The following REPS2 variants were observed in gnomAD, a reference collection of about 807,000 sequenced individuals.
The protein encoded by REPS2 is ralBP1-associated Eps domain-containing protein 2.
REPS2 carries 23 observed loss-of-function variants against 53.6 expected under a neutral mutation model. The observed-to-expected ratio is 0.43, with a 90% CI of 0.31 to 0.61. The LOEUF (loss-of-function observed/expected upper bound fraction) is 0.61. REPS2 is among the 20% of genes least tolerant of loss of function. The pLI, the probability that REPS2 is intolerant of heterozygous loss-of-function variation, is 0.11. For synonymous variants in REPS2, 238 were observed against 218.6 expected (o/e 1.09, Z -0.78); for missense variants, 446 against 534.9 (o/e 0.83, Z 1.64).
chrX:17,049,623 G>T (rs149038297), intron 6 of REPS2, among the ~76,000 whole-genome samples: 2,078 of 111,190 alleles, frequency 0.019, 46 homozygotes, highest in African/African-American at 0.065. Context: ...GGGTACATAG[G>T]TGTATATATT....
At chrX:17,158,638 A>G in the REPS2 span, among the ~76,000 whole-genome samples, 1 of 112,284 alleles carries the variant, frequency 8.9e-6, no homozygotes, top group African/African-American at 3.2e-5. Context: ...AGAATTCAGG[A>G]CTAAGAGAGT....
At chrX:17,195,757 C>G in the REPS2 span, among the ~76,000 whole-genome samples, 31 of 112,326 alleles carry the variant, frequency 2.8e-4, no homozygotes, top group African/African-American at 9.7e-4. Context: ...AAGTGTTTTA[C>G]CTGGTATGTT....
At chrX:17,045,815 T>G (rs2061897304) in intron 5 of REPS2, among the ~76,000 whole-genome samples, 1 of 110,683 alleles carries the variant, frequency 9.0e-6, no homozygotes, top group Admixed American at 9.7e-5. Flanking sequence ...GTGTGAGATA[T>G]CAAAGTAATA....
At chrX:17,176,007 G>A in the REPS2 span, among the ~76,000 whole-genome samples, 1 of 112,354 alleles carries the variant, frequency 8.9e-6, no homozygotes, top group Non-Finnish European at 1.9e-5. Context: ...AAGGCAGGAT[G>A]GGGAATACAT....
intron 13 of REPS2, among the ~76,000 whole-genome samples, chrX:17,082,956 G>A (rs1314134792): frequency 9.0e-6 from 1 of 110,984 alleles, no homozygotes; most frequent in African/African-American, 3.3e-5. Context: ...TACCAGAGAT[G>A]TCTTTCCTGC....
chrX:17,165,041 C>A, the REPS2 span, among the ~76,000 whole-genome samples: 3 of 102,461 alleles, frequency 2.9e-5, no homozygotes, highest in South Asian at 1.2e-3. Context: ...CCACCACCAC[C>A]ACCACCACCA....
chrX:17,029,226 C>A (rs1292153074), intron 4 of REPS2, among the ~76,000 whole-genome samples: 2 of 111,973 alleles, frequency 1.8e-5, no homozygotes, highest in African/African-American at 6.5e-5. Context: ...TGACACTTTT[C>A]TAGCTATTGT....
At chrX:17,038,623 T>C (rs948882330) in intron 5 of REPS2, among the ~76,000 whole-genome samples, 1 of 112,596 alleles carries the variant, frequency 8.9e-6, no homozygotes, top group Admixed American at 9.4e-5. Flanking sequence ...CTAAGTCCTA[T>C]TTGGAATTCT....
At chrX:16,965,324 C>T (rs1427698168) in intron 1 of REPS2, among the ~76,000 whole-genome samples, 1 of 112,836 alleles carries the variant, frequency 8.9e-6, no homozygotes, top group African/African-American at 3.2e-5. Context: ...GCTGACCCCC[C>T]CACCTCCCTC....
At chrX:17,035,471 C>T (rs1355172305) in intron 5 of REPS2, among the ~76,000 whole-genome samples, 2 of 110,352 alleles carry the variant, frequency 1.8e-5, no homozygotes, top group Non-Finnish European at 3.8e-5. Flanking sequence ...GTCTTGGCTA[C>T]TCTGGTTGTC....
intron 6 of REPS2, among the ~76,000 whole-genome samples, chrX:17,049,742 T>C (rs1358205188): frequency 1.8e-5 from 2 of 111,465 alleles, no homozygotes; most frequent in Non-Finnish European, 3.8e-5. Flanking sequence ...TTGAAAACAA[T>C]TTGACTACAC....
intron 6 of REPS2, among the ~76,000 whole-genome samples, chrX:17,047,779 C>T (rs1366461413): frequency 8.9e-6 from 1 of 112,912 alleles, no homozygotes; most frequent in Non-Finnish European, 1.9e-5. Context: ...AAGGGGCCAC[C>T]TCTCATTGCT....
At chrX:17,029,138 G>A (rs907538908) in intron 4 of REPS2, among the ~76,000 whole-genome samples, 6 of 111,558 alleles carry the variant, frequency 5.4e-5, no homozygotes, top group African/African-American at 2.0e-4. Context: ...TCTTCTTGGG[G>A]AAGTGGATGA....
intron 2 of REPS2, 81 bp from the exon 3 acceptor site, chrX:17,022,042 A>G (rs2061583608): frequency 1.1e-5 from 10 of 891,769 alleles, no homozygotes; most frequent in Non-Finnish European, 1.2e-5. Flanking sequence ...AAAATGATTC[A>G]TCGTTTGGCC....
intron 9 of REPS2, among the ~76,000 whole-genome samples, chrX:17,067,720 T>C (rs1354769098): frequency 1.8e-5 from 2 of 112,045 alleles, no homozygotes; most frequent in African/African-American, 6.5e-5. Context: ...TGACAGATCT[T>C]GGCAAACACC....
chrX:17,177,296 C>T, the REPS2 span, among the ~76,000 whole-genome samples: 3 of 112,211 alleles, frequency 2.7e-5, no homozygotes, highest in East Asian at 2.8e-4. Context: ...CTCATTGGAA[C>T]GCGAGGAGGA....
At chrX:17,135,517 G>C in intron 16 of REPS2, 111 bp downstream of exon 16, 1 of 914,172 alleles carries the variant, frequency 1.1e-6, no homozygotes, top group Non-Finnish European at 1.5e-6. Flanking sequence ...TTTCATGGTT[G>C]TAAGTTTATC....
intron 9 of REPS2, among the ~76,000 whole-genome samples, chrX:17,065,400 T>G (rs1007838160): frequency 8.9e-6 from 1 of 112,351 alleles, no homozygotes; most frequent in Non-Finnish European, 1.9e-5. Context: ...GTGTGCTTAT[T>G]AGCCATTTGT....
the REPS2 span, among the ~76,000 whole-genome samples, chrX:17,166,847 G>A: frequency 1.8e-5 from 2 of 112,156 alleles, no homozygotes; most frequent in African/African-American, 6.5e-5. Flanking sequence ...TCTTTCCACA[G>A]TGGTGCATAC....
Sources: gnomAD v4.1 joint callset for allele counts (sites outside exome capture counted in the v4.1 genomes callset) on GRCh38, gnomAD v4.1.1 for gene constraint, MANE v1.5 for transcripts, NCBI Gene and HGNC (gene_info 2026-07-23, HGNC 2026-07-21) for gene names.